The following PABPC4L variants were observed in gnomAD, a reference collection of about 807,000 sequenced individuals.
PABPC4L encodes the protein polyadenylate-binding protein 4-like.
For synonymous variants in PABPC4L, 169 were observed against 164.1 expected, an observed-to-expected ratio of 1.03 and a Z score of -0.23; for missense variants, 452 against 451.4, an observed-to-expected ratio of 1.00 and a Z score of -0.01.
chr4:134,016,649 G>A, the PABPC4L span, among the ~76,000 whole-genome samples: 2 of 152,130 alleles, frequency 1.3e-5, no homozygotes, highest in Admixed American at 1.3e-4. Flanking sequence ...CTTAGACCAA[G>A]GAAAATATCT....
chr4:134,001,556 C>G, the PABPC4L span, among the ~76,000 whole-genome samples: 1 of 151,968 alleles, frequency 6.6e-6, no homozygotes, highest in Non-Finnish European at 1.5e-5. Flanking sequence ...CTTAGCCTTT[C>G]CCATTTGTGA....
the PABPC4L span, among the ~76,000 whole-genome samples, chr4:134,001,731 T>C: frequency 9.9e-5 from 15 of 152,128 alleles, no homozygotes; most frequent in African/African-American, 2.7e-4. Context: ...ACATACTATA[T>C]AAAATAATTC....
the PABPC4L span, among the ~76,000 whole-genome samples, chr4:133,971,711 T>A: frequency 6.6e-6 from 1 of 152,194 alleles, no homozygotes; most frequent in African/African-American, 2.4e-5. Flanking sequence ...GTCACAGGGC[T>A]TCTTTCTGTT....
chr4:134,088,017 G>T, the PABPC4L span, among the ~76,000 whole-genome samples: 1 of 151,960 alleles, frequency 6.6e-6, no homozygotes, highest in South Asian at 2.1e-4. Flanking sequence ...GTTCTTTTCA[G>T]TTTGGCTTCT....
the PABPC4L span, among the ~76,000 whole-genome samples, chr4:134,097,427 C>T: frequency 1.3e-5 from 2 of 151,652 alleles, no homozygotes; most frequent in African/African-American, 4.8e-5. Flanking sequence ...CATATTTTAC[C>T]CTTCGCAGAC....
At chr4:134,054,179 C>CT in the PABPC4L span, among the ~76,000 whole-genome samples, 10 of 137,970 alleles carry the variant, frequency 7.2e-5, 1 homozygote, top group Non-Finnish European at 1.6e-4. Context: ...CTATGAATTT[C>CT]TTTTTTTAAC....
chr4:134,006,333 GA>G, the PABPC4L span, among the ~76,000 whole-genome samples: 1 of 151,754 alleles, frequency 6.6e-6, no homozygotes, highest in East Asian at 1.9e-4. Flanking sequence ...ACTAAAAAGG[GA>G]ACAAAAATAA....
chr4:134,010,119 C>T, the PABPC4L span, among the ~76,000 whole-genome samples: 1 of 152,102 alleles, frequency 6.6e-6, no homozygotes. Flanking sequence ...TGTTATTAAG[C>T]TTCATTTTAT....
chr4:133,973,763 C>T, the PABPC4L span, among the ~76,000 whole-genome samples: 1 of 152,142 alleles, frequency 6.6e-6, no homozygotes. Flanking sequence ...ATATACAACA[C>T]ATTTGTCAAA....
chr4:134,136,996 A>G, the PABPC4L span, among the ~76,000 whole-genome samples: 13 of 152,096 alleles, frequency 8.5e-5, no homozygotes, highest in Middle Eastern at 3.4e-3. Context: ...CTATTTTAGA[A>G]CAAATGGGCT....
chr4:134,177,221 A>C, the PABPC4L span, among the ~76,000 whole-genome samples: 1 of 132,172 alleles, frequency 7.6e-6, no homozygotes, highest in Non-Finnish European at 1.5e-5. Context: ...TCTAGCTGTC[A>C]CCAGGCTGGA....
chr4:134,087,559 G>A, the PABPC4L span, among the ~76,000 whole-genome samples: 2 of 152,154 alleles, frequency 1.3e-5, no homozygotes, highest in South Asian at 2.1e-4. Flanking sequence ...CTGCAGACCA[G>A]TGCAATGCAG....
chr4:134,194,205 A>G (rs1049928025), downstream of PABPC4L, among the ~76,000 whole-genome samples: 2 of 151,834 alleles, frequency 1.3e-5, no homozygotes, highest in African/African-American at 4.8e-5. Flanking sequence ...TAAAGTAGAG[A>G]GGGAAATGGG....
chr4:133,974,431 C>T, the PABPC4L span, among the ~76,000 whole-genome samples: 9 of 151,808 alleles, frequency 5.9e-5, no homozygotes, highest in Admixed American at 1.3e-4. Flanking sequence ...GAAAACATAG[C>T]GTTAAATATT....
At chr4:134,084,382 A>C in the PABPC4L span, among the ~76,000 whole-genome samples, 2 of 152,134 alleles carry the variant, frequency 1.3e-5, no homozygotes, top group East Asian at 1.9e-4. Flanking sequence ...TGATACATAC[A>C]ACAAGGAGTG....
At chr4:134,022,241 T>A in the PABPC4L span, among the ~76,000 whole-genome samples, 8 of 152,226 alleles carry the variant, frequency 5.3e-5, no homozygotes, top group African/African-American at 1.7e-4. Flanking sequence ...TGCCCCAGTA[T>A]CCAAGTTCTT....
At chr4:134,056,196 T>A in the PABPC4L span, among the ~76,000 whole-genome samples, 1 of 152,134 alleles carries the variant, frequency 6.6e-6, no homozygotes, top group East Asian at 1.9e-4. Flanking sequence ...GTGTTTATCC[T>A]CTCCATATTA....
the PABPC4L span, among the ~76,000 whole-genome samples, chr4:134,026,440 T>C: frequency 2.0e-5 from 3 of 152,096 alleles, no homozygotes; most frequent in Non-Finnish European, 4.4e-5. Flanking sequence ...GGTTTCACCA[T>C]ATTGGCCAGG....
chr4:133,982,568 A>C, the PABPC4L span, among the ~76,000 whole-genome samples: 1 of 152,130 alleles, frequency 6.6e-6, no homozygotes, highest in East Asian at 1.9e-4. Context: ...TGTGCATTTT[A>C]AAGAAAGTGT....
Sources: gnomAD v4.1 joint callset for allele counts (sites outside exome capture counted in the v4.1 genomes callset) on GRCh38, gnomAD v4.1.1 for gene constraint, MANE v1.5 for transcripts, NCBI Gene and HGNC (gene_info 2026-07-23, HGNC 2026-07-21) for gene names.